PPARA: variants seen among roughly 807,000 people sequenced by gnomAD.
PPARA encodes the protein peroxisome proliferator activated receptor alpha, also known as peroxisome proliferator-activated receptor alpha.
A neutral mutation model predicts 42.2 loss-of-function variants in PPARA; 22 were observed. That is an observed-to-expected ratio of 0.52 (90% CI 0.37 to 0.74). PPARA has a LOEUF of 0.74. Among genes scored for constraint, PPARA ranks in the 30% least tolerant of loss-of-function variants. PPARA has a pLI of 0.00. For synonymous variants in PPARA, 242 were observed against 239.3 expected (o/e 1.01, Z -0.10); for missense variants, 465 against 608.2 (o/e 0.76, Z 2.48).
intron 4 of PPARA, among the ~76,000 whole-genome samples, chr22:46,213,731 A>G (rs953360911): frequency 2.6e-5 from 4 of 152,010 alleles, no homozygotes; most frequent in Admixed American, 6.6e-5. Context: ...CTGGGACTAC[A>G]GGCGCCCCCA....
In PPARA at chr22:46,200,488, TA is replaced by T. The variant is rs1932786754; in HGVS notation, c.208+1898del. 6.6e-6 allele frequency among the ~76,000 whole-genome samples: 1 copy of T among 152,200 alleles called. No homozygotes were observed. The highest frequency in any genetic ancestry group is 1.5e-5 in the Non-Finnish European group (1 of 68,036). On this transcript the variant is annotated intron_variant, in intron 4 of 8. Coordinates refer to ENST00000407236, the MANE Select transcript of PPARA (RefSeq NM_005036.6). This position sits in a 1 kb window ranked among gnomAD's most constrained non-coding sequence, Gnocchi z 4.8. ...GTGCGTCTAAACATACCAAAACATA[TA>T]GTAGAAAAGGTTACAGCAAAAATAC...
chr22:46,170,274 G>A (rs988617148), intron 2 of PPARA, among the ~76,000 whole-genome samples: 3 of 151,212 alleles, frequency 2.0e-5, no homozygotes, highest in Non-Finnish European at 3.0e-5. Flanking sequence ...GTTGAGACAC[G>A]GTCTTACTCT....
intron 2 of PPARA, among the ~76,000 whole-genome samples, chr22:46,174,540 G>A (rs1168264724): frequency 6.6e-6 from 1 of 152,130 alleles, no homozygotes; most frequent in East Asian, 1.9e-4. Context: ...CTGTTGGCCA[G>A]ACATAGTAAC....
chr22:46,225,679 AC>A lies in PPARA; in HGVS notation c.711+5670del, dbSNP rs199819624. Among the ~76,000 whole-genome samples, 1,335 of 151,150 alleles carry A rather than the reference AC, an allele frequency of 8.8e-3. 20 individuals are homozygous for A. Among genetic ancestry groups the A allele is most frequent in the African/African-American group, 0.031 (1,261 of 41,022 alleles). On this transcript the variant is annotated intron_variant, in intron 7 of 8. Coordinates refer to ENST00000407236, the MANE Select transcript of PPARA (RefSeq NM_005036.6). This position sits in a 1 kb window ranked among gnomAD's most constrained non-coding sequence, Gnocchi z 4.1. ...CACACGTGTACACAGATGCACCTCC[AC>A]CCCCATACATGCACATGGACACACA...
At chr22:46,202,862 T>TTAAA (rs57620271) in intron 4 of PPARA, among the ~76,000 whole-genome samples, 4,252 of 150,722 alleles carry the variant, frequency 0.028, 219 homozygotes, top group African/African-American at 0.098. Flanking sequence ...GACTCTGTCT[T>TTAAA]TAAATAAATA....
rs144433684 is a variant in PPARA, at chr22:46,219,555, C to T, written c.509-257C>T. Among the ~76,000 whole-genome samples the T allele has an allele frequency of 1.1e-3, 163 of 152,232 alleles. No individual in the cohort carries two copies. The highest frequency in any genetic ancestry group is 3.6e-3 in the African/African-American group (150 of 41,536). ...GTGTGCACCCTACTAATGAGACGAA[C>T]GATGGTGTCACCTTCAGCCTGCACC... is the stretch of plus-strand genomic sequence containing the variant. On this transcript the variant is annotated intron_variant, in intron 6 of 8. Transcript: ENST00000407236. The surrounding 1 kb of genome is among the most constrained non-coding windows in gnomAD (Gnocchi z 4.8).
intron 3 of PPARA, among the ~76,000 whole-genome samples, chr22:46,197,340 G>A (rs529730052): frequency 4.0e-4 from 61 of 152,222 alleles, no homozygotes; most frequent in African/African-American, 1.4e-3. Flanking sequence ...GTGAGCCACT[G>A]TGCCCGGCCC....
rs4253782 is a variant in PPARA at position 46,152,815 on chromosome 22, G to A, written c.-127+845G>A. On this transcript the variant is annotated intron_variant, in intron 2 of 8. Transcript: ENST00000407236. ...TAAACTAATTGGCAAGTTGGGTGCGGTGGCTCACTCCTGTAATCCCAGCAC... is the reference window on the plus strand; with the variant it reads ...TAAACTAATTGGCAAGTTGGGTGCGATGGCTCACTCCTGTAATCCCAGCAC... Among the ~76,000 whole-genome samples, 994 of 152,360 alleles carry A rather than the reference G, an allele frequency of 6.5e-3. 6 individuals are homozygous for A. Among genetic ancestry groups the A allele is most frequent in the South Asian group, 0.03 (145 of 4,828 alleles).
rs566652080 is a variant in PPARA at position 46,161,953 on chromosome 22, C to T, written c.-127+9983C>T. ...CTTCCAGATGTCACCTGGGCCCTCC[C>T]GGAGGCCCTCGCCCTCAGTGTGTCT... On this transcript the variant is annotated intron_variant, in intron 2 of 8. Coordinates refer to ENST00000407236, the MANE Select transcript of PPARA (RefSeq NM_005036.6). This position sits in a 1 kb window ranked among gnomAD's most constrained non-coding sequence, Gnocchi z 4.8. Among the ~76,000 whole-genome samples, 24 of 152,286 alleles carry T rather than the reference C, an allele frequency of 1.6e-4. No homozygotes were observed. Among genetic ancestry groups the T allele is most frequent in the African/African-American group, 5.1e-4 (21 of 41,548 alleles).
At position 46,216,116 on chromosome 22, in the gene PPARA, C is replaced by G. The variant is rs1391570966; in HGVS notation, c.369+783C>G. 1.3e-5 allele frequency among the ~76,000 whole-genome samples: 2 copies of G among 152,176 alleles called. No individual in the cohort carries two copies. The highest frequency in any genetic ancestry group is 2.9e-5 in the Non-Finnish European group (2 of 68,030). ...AGTCACATTGGACCGGGTGCAGTGG[C>G]TCACGCCTATAATCTCAGCACTTTG... is the stretch of plus-strand genomic sequence containing the variant. On this transcript the variant is annotated intron_variant, in intron 5 of 8. Coordinates refer to ENST00000407236, the MANE Select transcript of PPARA (RefSeq NM_005036.6). This position sits in a 1 kb window ranked among gnomAD's most constrained non-coding sequence, Gnocchi z 4.5.
intron 4 of PPARA, among the ~76,000 whole-genome samples, chr22:46,199,230 G>A (rs1569220289): frequency 6.6e-6 from 1 of 152,172 alleles, no homozygotes; most frequent in South Asian, 2.1e-4. Context: ...TCTGCATAGA[G>A]GTACTGTTGG....
rs1224501796 is a variant in PPARA, at chr22:46,193,879, T to C, written c.-42-4463T>C. 1.3e-5 allele frequency among the ~76,000 whole-genome samples: 2 copies of C among 152,180 alleles called. No homozygotes were observed. The highest frequency in any genetic ancestry group is 4.8e-5 in the African/African-American group (2 of 41,442). On this transcript the variant is annotated intron_variant, in intron 3 of 8. Transcript: ENST00000407236. This position sits in a 1 kb window ranked among gnomAD's most constrained non-coding sequence, Gnocchi z 5.3. ...TGCAGTTGTTGAGAAAAGGGATGGT[T>C]GGTTATGCCTTGATCCCCCCCAGAG...
At chr22:46,214,626 A>T (rs1458288935) in intron 4 of PPARA, among the ~76,000 whole-genome samples, 1 of 134,360 alleles carries the variant, frequency 7.4e-6, no homozygotes, top group Non-Finnish European at 1.6e-5. Context: ...AGCAAAGATG[A>T]GCTGATCGGA....
chr22:46,191,108 G>T lies in PPARA; in HGVS notation c.-42-7234G>T, dbSNP rs989532860. ...CTCAGGAGGCTGAGGCACGAGAATC[G>T]CTTGAACCCGGGAGGCGTGGGGTTG... On this transcript the variant is annotated intron_variant, in intron 3 of 8. Transcript: ENST00000407236. The surrounding 1 kb of genome is among the most constrained non-coding windows in gnomAD (Gnocchi z 4.6). Among the ~76,000 whole-genome samples the T allele has an allele frequency of 1.3e-5, 2 of 151,998 alleles. No individual in the cohort carries two copies. The highest frequency in any genetic ancestry group is 2.9e-5 in the Non-Finnish European group (2 of 67,982).
Position 46,242,723 on chromosome 22 carries a change from G to C in PPARA, c.*7343G>C, listed in dbSNP as rs1158265133. The C allele has an allele frequency of 7.6e-6, 1 of 131,632 alleles. No individual in the cohort carries two copies. The highest frequency in any genetic ancestry group is 7.2e-5 in the Admixed American group (1 of 13,830). 8.2% of individuals were successfully genotyped at this position (131,632 alleles called of 1,614,324 possible). On this transcript the variant is annotated 3_prime_UTR_variant, in exon 9 of 9. Transcript: ENST00000407236. This position sits in a 1 kb window ranked among gnomAD's most constrained non-coding sequence, Gnocchi z 6.1. ...AACATCTAAAATACACTGCGTACAC[G>C]TGTGCGTGCACACACACACACACAC...
In PPARA at chr22:46,183,466, G is replaced by A. The variant is rs1191137932; in HGVS notation, c.-43+6630G>A. On this transcript the variant is annotated intron_variant, in intron 3 of 8. Coordinates refer to ENST00000407236, the MANE Select transcript of PPARA (RefSeq NM_005036.6). The surrounding 1 kb of genome is among the most constrained non-coding windows in gnomAD (Gnocchi z 5.5). ...TTCAGAATCTGGATTATCAGGTCAGGCTCAATGGCTCACGCCAGTAGTCCC... is the reference window on the plus strand; with the variant it reads ...TTCAGAATCTGGATTATCAGGTCAGACTCAATGGCTCACGCCAGTAGTCCC... Among the ~76,000 whole-genome samples the A allele has an allele frequency of 6.6e-6, 1 of 152,242 alleles. No individual in the cohort carries two copies. The highest frequency in any genetic ancestry group is 1.5e-5 in the Non-Finnish European group (1 of 68,038).
chr22:46,170,114 T>C (rs1927755771), intron 2 of PPARA, among the ~76,000 whole-genome samples: 1 of 150,448 alleles, frequency 6.6e-6, no homozygotes, highest in Non-Finnish European at 1.5e-5. Flanking sequence ...TCATCTTTGT[T>C]TTTTTTTTTT....
chr22:46,231,503 G>A lies in PPARA; in HGVS notation c.712-289G>A, dbSNP rs905122474. 2.0e-5 allele frequency among the ~76,000 whole-genome samples: 3 copies of A among 152,178 alleles called. No homozygotes were observed. Among genetic ancestry groups the A allele is most frequent in the Non-Finnish European group, 4.4e-5 (3 of 68,034 alleles). The stretch of plus-strand genomic sequence containing the variant: ...CCCAAAGTTCTGGGATTACAGGCGT[G>A]AGCCACCATGCCCAGCCCAGTACTT... On this transcript the variant is annotated intron_variant, in intron 7 of 8. Coordinates refer to ENST00000407236, the MANE Select transcript of PPARA (RefSeq NM_005036.6). This position sits in a 1 kb window ranked among gnomAD's most constrained non-coding sequence, Gnocchi z 7.7.
rs532059546 is a variant in PPARA at position 46,188,399 on chromosome 22, T to C, written c.-42-9943T>C. Among the ~76,000 whole-genome samples, 8 of 152,330 alleles carry C rather than the reference T, an allele frequency of 5.3e-5. No individual in the cohort carries two copies. The highest frequency in any genetic ancestry group is 3.4e-3 in the Middle Eastern group (1 of 294). ...CTTTCTGTTGGGTTTTCCTATGGAA[T>C]ATCCAGTCAGCCTTTAGGATTCATC... On this transcript the variant is annotated intron_variant, in intron 3 of 8. Transcript: ENST00000407236. The surrounding 1 kb of genome is among the most constrained non-coding windows in gnomAD (Gnocchi z 5.0).
Sources: allele counts gnomAD v4.1 joint callset (sites outside exome capture counted in the v4.1 genomes callset), GRCh38; gene constraint gnomAD v4.1.1; non-coding constraint Gnocchi (gnomAD v3.1); transcripts MANE v1.5; gene names NCBI Gene and HGNC (gene_info 2026-07-23, HGNC 2026-07-21).